CHAT: variants seen among roughly 807,000 people sequenced by gnomAD.
CHAT encodes the protein acetyl CoA:choline O-acetyltransferase.
In CHAT, 61 loss-of-function variants were observed where a neutral mutation model predicts 76.9. That is an observed-to-expected ratio of 0.79 (90% confidence interval 0.65 to 0.98). CHAT has a LOEUF of 0.98. Ranked by LOEUF, CHAT falls within the 50% of genes least tolerant of loss-of-function variation. The pLI, the probability that CHAT is intolerant of heterozygous loss-of-function variation, is 0.00. For synonymous variants in CHAT, 407 were observed against 397.4 expected (o/e 1.02, Z -0.29); for missense variants, 946 against 986.9 (o/e 0.96, Z 0.56).
At chr10:49,655,733 C>A (rs1840015423) in intron 13 of CHAT, among the ~76,000 whole-genome samples, 1 of 152,202 alleles carries the variant, frequency 6.6e-6, no homozygotes, top group Non-Finnish European at 1.5e-5. Context: ...TGTATAGCAT[C>A]TTGCAGTTTA....
intron 1 of CHAT, among the ~76,000 whole-genome samples, chr10:49,615,227 A>G (rs1838444128): frequency 6.6e-6 from 1 of 152,090 alleles, no homozygotes; most frequent in African/African-American, 2.4e-5. Context: ...GGCCTTTACC[A>G]ACCTGACCTT....
upstream of CHAT, chr10:49,609,188 C>T (rs1838227376): frequency 6.6e-6 from 1 of 152,180 alleles, no homozygotes; most frequent in Non-Finnish European, 1.5e-5. Flanking sequence ...GTGCGGCCCT[C>T]TCAGAAGGAA....
At chr10:49,643,363 T>A (rs1276490036) in intron 7 of CHAT, among the ~76,000 whole-genome samples, 1 of 152,158 alleles carries the variant, frequency 6.6e-6, no homozygotes, top group East Asian at 1.9e-4. Flanking sequence ...TCCAAACCAC[T>A]GTCCCACCCT....
chr10:49,611,283 G>A, upstream of CHAT: 1 of 1,610,288 alleles, frequency 6.2e-7, no homozygotes, highest in Non-Finnish European at 8.5e-7. Flanking sequence ...TGTTCGCGGC[G>A]CGCAGCCTGC....
intron 7 of CHAT, among the ~76,000 whole-genome samples, chr10:49,631,968 G>A (rs554360590): frequency 1.3e-5 from 2 of 151,674 alleles, no homozygotes; most frequent in African/African-American, 2.4e-5. Flanking sequence ...TGGTTATTGG[G>A]GGGGTAAAAC....
rs1307042855 is a variant in CHAT, at chr10:49,665,032, G to A, written c.2233G>A (p.Gly745Arg). 1 of 1,613,850 alleles carries A rather than the reference G, an allele frequency of 6.2e-7. No individual in the cohort carries two copies. The highest frequency in any genetic ancestry group is 8.5e-7 in the Non-Finnish European group (1 of 1,180,046). ...GGAAAAAGCCACGAGGCCCAGCCAG[G>A]GACACCAACCTTGACTCCTGCCACT... ...TKEKATRPSQGHQP is the reference protein window; with the variant it reads ...TKEKATRPSQRHQP The change falls in exon 15 of 15, where the codon GGA (glycine) becomes AGA (arginine). Residue 745 changes from glycine (G) to arginine (R), a missense_variant. By Grantham distance (125) the Gly-to-Arg change is moderately radical. Around this residue, in one of 3 missense-constraint regions of CHAT, gnomAD observed 349 missense variants for 393.9 expected, o/e 0.89. Coordinates refer to ENST00000337653, the MANE Select transcript of CHAT (RefSeq NM_020549.5).
intron 2 of CHAT, among the ~76,000 whole-genome samples, chr10:49,618,596 A>G (rs1418222446): frequency 6.6e-6 from 1 of 152,190 alleles, no homozygotes; most frequent in Admixed American, 6.5e-5. Context: ...TCAGATTTGT[A>G]TGTGACCTTG....
At chr10:49,610,945 G>T, upstream of CHAT, 2 of 1,610,576 alleles carry the variant, frequency 1.2e-6, no homozygotes, top group Non-Finnish European at 1.7e-6. Flanking sequence ...CGGGGGCGGC[G>T]AGGGCCCCAC....
intron 7 of CHAT, among the ~76,000 whole-genome samples, chr10:49,633,058 C>G (rs1334415030): frequency 3.3e-5 from 5 of 152,212 alleles, no homozygotes; most frequent in Non-Finnish European, 7.3e-5. Flanking sequence ...CAGACAGATT[C>G]CTGAGGGGCT....
At position 49,614,130 on chromosome 10, in the gene CHAT, G is replaced by C. The variant is rs1219885053; in HGVS notation, c.-60G>C. ...TGTTGCCCGAGTTCCTCCGGGAAGC[G>C]CTCCGGGTAGATTCTGGGGGCCGGG... On this transcript the variant is annotated 5_prime_UTR_variant, in exon 1 of 15. Coordinates refer to ENST00000337653, the MANE Select transcript of CHAT (RefSeq NM_020549.5). The C allele has an allele frequency of 6.5e-7, 1 of 1,545,932 alleles. No individual in the cohort carries two copies. The highest frequency in any genetic ancestry group is 2.4e-5 in the East Asian group (1 of 40,842).
At position 49,664,996 on chromosome 10, in the gene CHAT, T is replaced by C. The variant is rs1357564317; in HGVS notation, c.2197T>C (p.Leu733=). ...GCTGCCGCCTACTGAGAGCAAGCCATTGGCAACAAAGGAAAAAGCCACGAG... is the reference window on the plus strand; with the variant it reads ...GCTGCCGCCTACTGAGAGCAAGCCACTGGCAACAAAGGAAAAAGCCACGAG... The part of the protein sequence containing the change: ...SLLPPTESKP[L]ATKEKATRPS... Residue 733 remains leucine, a synonymous_variant, in exon 15 of 15, where the codon TTG becomes CTG. Coordinates refer to ENST00000337653, the MANE Select transcript of CHAT (RefSeq NM_020549.5). The C allele has an allele frequency of 6.2e-7, 1 of 1,614,186 alleles. No homozygotes were observed. Among genetic ancestry groups the C allele is most frequent in the Non-Finnish European group, 8.5e-7 (1 of 1,180,042 alleles).
chr10:49,649,393 T>G, intron 9 of CHAT, 115 bp from the exon 10 acceptor site: 1 of 1,519,534 alleles, frequency 6.6e-7, no homozygotes, highest in East Asian at 2.3e-5. Context: ...TCGTACCCCC[T>G]GAAACTCCAT....
At chr10:49,657,518 C>A (rs543672682) in intron 13 of CHAT, among the ~76,000 whole-genome samples, 3 of 152,124 alleles carry the variant, frequency 2.0e-5, no homozygotes, top group African/African-American at 4.8e-5. Context: ...TACTAGCCCC[C>A]CTCCCCAGTG....
chr10:49,636,842 G>T (rs1839309519), intron 7 of CHAT, among the ~76,000 whole-genome samples: 1 of 152,220 alleles, frequency 6.6e-6, no homozygotes, highest in South Asian at 2.1e-4. Context: ...TAATTATAGG[G>T]CTATTCAAAT....
Position 49,664,900 on chromosome 10 carries a change from G to A in CHAT, c.2101G>A (p.Glu701Lys). The A allele has an allele frequency of 6.2e-7, 1 of 1,614,218 alleles. No homozygotes were observed. Among genetic ancestry groups the A allele is most frequent in the South Asian group, 1.1e-5 (1 of 91,086 alleles). ...CATCTCTAGCTTTCACAGCTGCAAA[G>A]AGACTTCTTCTAGCAAGTTTGCAAA... ...FCISSFHSCK[E>K]TSSSKFAKAV... The change falls in exon 15 of 15, where the codon GAG becomes AAG. Residue 701 changes from glutamate (E) to lysine (K), a missense_variant. Glu to Lys is a moderately conservative substitution (Grantham distance 56, BLOSUM62 1). Around this residue, in one of 3 missense-constraint regions of CHAT, gnomAD observed 349 missense variants for 393.9 expected, o/e 0.89. Transcript: ENST00000337653.
chr10:49,615,792 G>C, intron 1 of CHAT: 1 of 545,972 alleles, frequency 1.8e-6, no homozygotes, highest in Non-Finnish European at 3.2e-6. Flanking sequence ...TGGCCCCTAG[G>C]GGCCCTGGCT....
intron 7 of CHAT, among the ~76,000 whole-genome samples, chr10:49,633,006 CCCAAAGCACCAGGATACACAGGCTAAA>C (rs1284624446): frequency 2.0e-5 from 3 of 152,204 alleles, no homozygotes; most frequent in Admixed American, 6.5e-5. Context: ...CCTCTGGGGG[CCCAAAGCACCAGGATACACAGGCTAAA>C]CCAAAGCAGC....
At chr10:49,659,529 A>G (rs1410245381) in intron 13 of CHAT, among the ~76,000 whole-genome samples, 1 of 152,212 alleles carries the variant, frequency 6.6e-6, no homozygotes, top group East Asian at 1.9e-4. Flanking sequence ...GTGAGAGGAC[A>G]AATGAAATTC....
chr10:49,650,185 G>A (rs182461919), intron 10 of CHAT, among the ~76,000 whole-genome samples: 28 of 152,274 alleles, frequency 1.8e-4, no homozygotes, highest in African/African-American at 6.0e-4. Context: ...AAGCAAGCAC[G>A]AATGCATTCA....
Sources: gnomAD v4.1 joint callset for allele counts (sites outside exome capture counted in the v4.1 genomes callset) on GRCh38, gnomAD v4.1.1 for gene constraint, gnomAD v4.1.1 regional missense constraint, MANE v1.5 for transcripts, NCBI Gene and HGNC (gene_info 2026-07-23, HGNC 2026-07-21) for gene names.